ZNF804B: variants seen among roughly 807,000 people sequenced by gnomAD.
ZNF804B encodes the protein zinc finger protein 804B.
Under a neutral mutation model 101.4 loss-of-function variants are expected in ZNF804B, and 80 were observed. The ratio of observed to expected loss-of-function variants is 0.79; its 90% confidence interval spans 0.66 to 0.95. The LOEUF (loss-of-function observed/expected upper bound fraction) is 0.95. ZNF804B is among the 40% of genes least tolerant of loss of function. The pLI is 0.00. For missense variants in ZNF804B, 1,673 were observed against 1,561.9 expected, an observed-to-expected ratio of 1.07 and a Z score of -1.20; for synonymous variants, 622 against 558.8, an observed-to-expected ratio of 1.11 and a Z score of -1.59.
chr7:89,279,595 A>G (rs1418979396), intron 2 of ZNF804B, among the ~76,000 whole-genome samples: 2 of 152,144 alleles, frequency 1.3e-5, no homozygotes, highest in African/African-American at 2.4e-5. Context: ...CCTTTTCTGC[A>G]TCTATTGAGA....
At chr7:88,969,693 C>T (rs1374418643) in intron 1 of ZNF804B, among the ~76,000 whole-genome samples, 1 of 151,552 alleles carries the variant, frequency 6.6e-6, no homozygotes, top group Admixed American at 6.6e-5. Context: ...TGGTACTTTG[C>T]ACCTGAAACA....
chr7:88,895,023 C>A (rs1204335062), intron 1 of ZNF804B, among the ~76,000 whole-genome samples: 3 of 152,030 alleles, frequency 2.0e-5, no homozygotes, highest in African/African-American at 7.2e-5. Context: ...TAATAAAGTG[C>A]AAAATGACAA....
chr7:89,293,522 C>T (rs1259420221), intron 2 of ZNF804B, among the ~76,000 whole-genome samples: 2 of 152,172 alleles, frequency 1.3e-5, no homozygotes, highest in Non-Finnish European at 2.9e-5. Flanking sequence ...TGGTGTCTCA[C>T]ACCTGTAATC....
intron 1 of ZNF804B, among the ~76,000 whole-genome samples, chr7:88,966,156 T>C (rs2116100613): frequency 6.6e-6 from 1 of 151,604 alleles, no homozygotes; most frequent in African/African-American, 2.4e-5. Flanking sequence ...GAATTCTTTA[T>C]TAATATTATC....
At chr7:89,071,280 G>A (rs2189055) in intron 1 of ZNF804B, among the ~76,000 whole-genome samples, 12,347 of 152,050 alleles carry the variant, frequency 0.081, 749 homozygotes, top group South Asian at 0.16. Flanking sequence ...TGTAAAGACC[G>A]ACTCAATCAG....
intron 1 of ZNF804B, among the ~76,000 whole-genome samples, chr7:88,823,959 G>A (rs1246218435): frequency 6.6e-6 from 1 of 152,094 alleles, no homozygotes; most frequent in Non-Finnish European, 1.5e-5. Context: ...AAGGAAAATG[G>A]GACAGCTGCA....
chr7:89,034,446 T>G (rs1788889636), intron 1 of ZNF804B, among the ~76,000 whole-genome samples: 1 of 150,992 alleles, frequency 6.6e-6, no homozygotes, highest in Admixed American at 6.6e-5. Context: ...TTCCCCTCCC[T>G]CTGTCCATGT....
intron 1 of ZNF804B, among the ~76,000 whole-genome samples, chr7:88,870,158 G>T (rs897845967): frequency 3.3e-5 from 5 of 150,964 alleles, no homozygotes; most frequent in African/African-American, 9.8e-5. Context: ...AGGCCGAGAC[G>T]GGCGGATCAC....
chr7:89,322,916 C>T (rs1289208684), intron 2 of ZNF804B, among the ~76,000 whole-genome samples: 2 of 152,148 alleles, frequency 1.3e-5, no homozygotes, highest in Non-Finnish European at 2.9e-5. Context: ...TTCTCTAACT[C>T]ATTTTATGAG....
Position 88,759,910 on chromosome 7 carries a change from C to A in ZNF804B, c.-67C>A. 7.0e-7 allele frequency: 1 copy of A among 1,436,930 alleles called. No individual in the cohort carries two copies. The allele number at this position is 1,436,930 out of a possible 1,614,324, so 89.0% of individuals were successfully genotyped here. On this transcript the variant is annotated 5_prime_UTR_variant, in exon 1 of 4. Transcript: ENST00000333190. ...GGTAGTCGCTGTTGCCGCTGAGAAA[C>A]CCGCCCGCTTTCCACGGCTGGTCGC...
chr7:89,094,043 T>C (rs1459824110), intron 1 of ZNF804B, among the ~76,000 whole-genome samples: 2 of 152,182 alleles, frequency 1.3e-5, no homozygotes, highest in African/African-American at 4.8e-5. Flanking sequence ...CATATACAAA[T>C]AGAAAGATTT....
chr7:88,802,225 T>A (rs1790603353), intron 1 of ZNF804B, among the ~76,000 whole-genome samples: 1 of 152,130 alleles, frequency 6.6e-6, no homozygotes, highest in South Asian at 2.1e-4. Context: ...CATCTTTTGT[T>A]TATAAATTGC....
chr7:89,029,249 A>G (rs1788794998), intron 1 of ZNF804B, among the ~76,000 whole-genome samples: 2 of 152,044 alleles, frequency 1.3e-5, no homozygotes, highest in Admixed American at 1.3e-4. Flanking sequence ...GATTACAGGC[A>G]TGCACCATCA....
chr7:89,132,155 AACACACGCACACATAC>A (rs1355504519), intron 1 of ZNF804B, among the ~76,000 whole-genome samples: 2 of 110,346 alleles, frequency 1.8e-5, no homozygotes, highest in African/African-American at 8.2e-5. Flanking sequence ...CAGGAATGAG[AACACACGCACACATAC>A]ACACACACAC....
intron 1 of ZNF804B, among the ~76,000 whole-genome samples, chr7:88,994,575 A>G (rs376240363): frequency 6.6e-6 from 1 of 152,062 alleles, no homozygotes; most frequent in African/African-American, 2.4e-5. Context: ...CAAAGATAAT[A>G]CTATTATATA....
intron 2 of ZNF804B, among the ~76,000 whole-genome samples, chr7:89,250,070 C>T (rs1789515812): frequency 6.6e-6 from 1 of 151,966 alleles, no homozygotes. Context: ...TGCCTGTAAT[C>T]CCAGCTACTC....
intron 1 of ZNF804B, among the ~76,000 whole-genome samples, chr7:88,979,810 A>T (rs547195994): frequency 1.3e-5 from 2 of 151,116 alleles, no homozygotes; most frequent in African/African-American, 4.9e-5. Flanking sequence ...TTCTATCCCA[A>T]ACTCTCTCTC....
At chr7:88,861,967 G>T (rs1046837263) in intron 1 of ZNF804B, among the ~76,000 whole-genome samples, 1 of 152,048 alleles carries the variant, frequency 6.6e-6, no homozygotes, top group African/African-American at 2.4e-5. Context: ...GGGCTGGGGG[G>T]ACCCAATGCT....
At chr7:89,232,194 T>C (rs1323765348) in intron 2 of ZNF804B, among the ~76,000 whole-genome samples, 6 of 152,156 alleles carry the variant, frequency 3.9e-5, no homozygotes, top group Admixed American at 3.3e-4. Flanking sequence ...GAATGCGTGG[T>C]GCTTGCTCTT....
Sources: allele counts gnomAD v4.1 joint callset (sites outside exome capture counted in the v4.1 genomes callset), GRCh38; gene constraint gnomAD v4.1.1; transcripts MANE v1.5; gene names NCBI Gene and HGNC (gene_info 2026-07-23, HGNC 2026-07-21).